The following CNTNAP2 variants were observed in gnomAD, a reference collection of about 807,000 sequenced individuals.
The protein encoded by CNTNAP2 is contactin-associated protein-like 2.
Under a neutral mutation model 155.2 loss-of-function variants are expected in CNTNAP2, and 98 were observed. That is an observed-to-expected ratio of 0.63 (90% confidence interval 0.54 to 0.75). CNTNAP2 has a LOEUF of 0.75. CNTNAP2 is among the 30% of genes least tolerant of loss of function. CNTNAP2 has a pLI of 0.00. For missense variants in CNTNAP2, 1,727 were observed against 1,688.1 expected (o/e 1.02, Z -0.40); for synonymous variants, 651 against 631.2 (o/e 1.03, Z -0.47).
intron 8 of CNTNAP2, among the ~76,000 whole-genome samples, chr7:147,223,181 C>A (rs1005202301): frequency 1.3e-5 from 2 of 152,138 alleles, no homozygotes; most frequent in Non-Finnish European, 2.9e-5. Context: ...AGCAATTTGT[C>A]AATTACAGTT....
intron 3 of CNTNAP2, among the ~76,000 whole-genome samples, chr7:146,917,847 C>T (rs1008139745): frequency 6.6e-6 from 1 of 152,158 alleles, no homozygotes; most frequent in Non-Finnish European, 1.5e-5. Flanking sequence ...GAGGCCTCTC[C>T]AGCCATGTGT....
At chr7:147,170,620 C>A (rs1031124738) in intron 8 of CNTNAP2, among the ~76,000 whole-genome samples, 3 of 152,096 alleles carry the variant, frequency 2.0e-5, no homozygotes, top group African/African-American at 7.2e-5. Flanking sequence ...AGCACAGGTA[C>A]CAGCTCAGCA....
chr7:146,622,765 T>G (rs546018283), intron 1 of CNTNAP2, among the ~76,000 whole-genome samples: 116 of 152,140 alleles, frequency 7.6e-4, no homozygotes, highest in African/African-American at 2.7e-3. Context: ...GAGACCAGCC[T>G]GACCAATATG....
At chr7:148,180,862 G>A (rs538554417) in intron 18 of CNTNAP2, among the ~76,000 whole-genome samples, 1 of 152,334 alleles carries the variant, frequency 6.6e-6, no homozygotes, top group South Asian at 2.1e-4. Flanking sequence ...GGTCTGTGAG[G>A]CTGTTTCCAG....
intron 3 of CNTNAP2, among the ~76,000 whole-genome samples, chr7:146,990,184 C>G (rs1798186394): frequency 1.3e-5 from 2 of 152,094 alleles, no homozygotes; most frequent in Non-Finnish European, 2.9e-5. Flanking sequence ...TAACATCTTC[C>G]ATTTTAATTA....
chr7:147,732,986 C>T (rs1346002506), intron 13 of CNTNAP2, among the ~76,000 whole-genome samples: 1 of 152,120 alleles, frequency 6.6e-6, no homozygotes, highest in Non-Finnish European at 1.5e-5. Context: ...GTGTAGGTTG[C>T]CAGTTCACTC....
In CNTNAP2 at chr7:148,415,610, C is replaced by A; in HGVS notation, c.3990C>A (p.Leu1330=). 1 of 1,614,078 alleles carries A rather than the reference C, an allele frequency of 6.2e-7. No homozygotes were observed. The highest frequency in any genetic ancestry group is 8.5e-7 in the Non-Finnish European group (1 of 1,180,002). ...ETIDESKKEW[L]I ...TTGATGAAAGCAAAAAGGAATGGCTCATTTGAGGGGTGGCTACTTGGCTAT... is the reference window on the plus strand; with the variant it reads ...TTGATGAAAGCAAAAAGGAATGGCTAATTTGAGGGGTGGCTACTTGGCTAT... Residue 1330 remains leucine (L), a synonymous_variant, in exon 24 of 24, where the codon CTC becomes CTA. Transcript: ENST00000361727.
intron 9 of CNTNAP2, among the ~76,000 whole-genome samples, chr7:147,348,702 A>G (rs1267622997): frequency 2.0e-5 from 3 of 152,090 alleles, no homozygotes; most frequent in African/African-American, 7.2e-5. Context: ...CCCCATGTTT[A>G]TTGCAGCACT....
chr7:148,029,609 G>C (rs6464850), intron 15 of CNTNAP2, among the ~76,000 whole-genome samples: 49,689 of 151,956 alleles, frequency 0.33, 9,662 homozygotes, highest in East Asian at 0.77. Context: ...TGCCACCCTA[G>C]AATTGATGGT....
intron 18 of CNTNAP2, among the ~76,000 whole-genome samples, chr7:148,215,198 A>G (rs1463876183): frequency 6.6e-6 from 1 of 152,254 alleles, no homozygotes; most frequent in Non-Finnish European, 1.5e-5. Context: ...AAGCATTGCA[A>G]TGGGAATATG....
At chr7:147,518,831 G>C (rs1482835778) in intron 11 of CNTNAP2, among the ~76,000 whole-genome samples, 1 of 152,070 alleles carries the variant, frequency 6.6e-6, no homozygotes, top group Non-Finnish European at 1.5e-5. Context: ...AGGAGTTCTA[G>C]ACCAGCCTGG....
At chr7:147,112,273 G>A (rs1170707762) in intron 5 of CNTNAP2, among the ~76,000 whole-genome samples, 2 of 152,044 alleles carry the variant, frequency 1.3e-5, no homozygotes, top group Admixed American at 1.3e-4. Context: ...GAATCTTTTG[G>A]GCTGAGATGA....
chr7:147,339,200 A>G (rs914187007), intron 9 of CNTNAP2, among the ~76,000 whole-genome samples: 1 of 124,140 alleles, frequency 8.1e-6, no homozygotes, highest in African/African-American at 3.8e-5. Context: ...TGCTTCCAAA[A>G]AAAATGATAT....
chr7:146,998,489 A>T (rs926056436), intron 3 of CNTNAP2, among the ~76,000 whole-genome samples: 6 of 151,948 alleles, frequency 3.9e-5, no homozygotes, highest in African/African-American at 1.2e-4. Flanking sequence ...AGTAAGAAGG[A>T]GGTGTATTCT....
intron 15 of CNTNAP2, among the ~76,000 whole-genome samples, chr7:148,046,225 C>T (rs948361394): frequency 6.6e-6 from 1 of 152,098 alleles, no homozygotes; most frequent in African/African-American, 2.4e-5. Context: ...GGATTACACT[C>T]GTGAGCCATT....
chr7:146,139,239 T>C (rs1797842507), intron 1 of CNTNAP2, among the ~76,000 whole-genome samples: 1 of 152,124 alleles, frequency 6.6e-6, no homozygotes, highest in Admixed American at 6.6e-5. Flanking sequence ...TGGAGTACAG[T>C]TTCTACCGAA....
chr7:147,936,280 C>T (rs1800604701), intron 14 of CNTNAP2, among the ~76,000 whole-genome samples: 1 of 149,328 alleles, frequency 6.7e-6, no homozygotes, highest in Non-Finnish European at 1.5e-5. Context: ...GTTGTGTATA[C>T]TGTACACGAC....
intron 1 of CNTNAP2, among the ~76,000 whole-genome samples, chr7:146,422,359 G>GTGTATATATATATATA (rs1554431181): frequency 7.6e-4 from 113 of 148,152 alleles, no homozygotes; most frequent in African/African-American, 2.7e-3. Context: ...GTATATATAT[G>GTGTATATATATATATA]TATATATATA....
At position 147,131,026 on chromosome 7, in the gene CNTNAP2, G is replaced by GTATA. The variant is rs1267865158; in HGVS notation, c.1084-1208_1084-1205dup. 3.0e-3 allele frequency among the ~76,000 whole-genome samples: 345 copies of GTATA among 114,816 alleles called. 1 individual carries two copies. The highest frequency in any genetic ancestry group is 9.6e-3 in the African/African-American group (327 of 34,030). 75.3% of individuals were successfully genotyped at this position (114,816 alleles called of 152,430 possible). A position where few individuals can be genotyped will look rare whatever the true frequency, so the allele number is the denominator to read the frequency against. The stretch of plus-strand genomic sequence containing the variant: ...CTAAAATGGAAGAAATCAGCATCAG[G>GTATA]TATATATATATATACACATATATAT... On this transcript the variant is annotated intron_variant, in intron 7 of 23. Transcript: ENST00000361727.
Sources: allele counts gnomAD v4.1 joint callset (sites outside exome capture counted in the v4.1 genomes callset), GRCh38; gene constraint gnomAD v4.1.1; transcripts MANE v1.5; gene names NCBI Gene and HGNC (gene_info 2026-07-23, HGNC 2026-07-21).